Variants in EXOC4 observed in about 807,000 individuals in gnomAD.
EXOC4 encodes the protein SEC8-like 1.
A neutral mutation model predicts 107.2 loss-of-function variants in EXOC4; 71 were observed. That is an observed-to-expected ratio of 0.66 (90% CI 0.55 to 0.81). The LOEUF (loss-of-function observed/expected upper bound fraction) is 0.81, where lower values mean the gene tolerates loss of function less well. Ranked by LOEUF, EXOC4 falls within the 30% of genes least tolerant of loss-of-function variation. The probability of loss-of-function intolerance (pLI) is 0.00; values close to 1 mark genes in which losing one functional copy is unlikely to be tolerated. For missense variants in EXOC4, 1,108 were observed against 1,189.6 expected (o/e 0.93, Z 1.01); for synonymous variants, 456 against 441.2 (o/e 1.03, Z -0.42).
chr7:133,278,749 A>T (rs147775914), intron 2 of EXOC4, among the ~76,000 whole-genome samples: 2 of 152,200 alleles, frequency 1.3e-5, no homozygotes, highest in East Asian at 1.9e-4. Flanking sequence ...ATTGATTTTA[A>T]CTATCGGTAT....
At chr7:133,928,332 GC>G (rs1325092310) in intron 13 of EXOC4, among the ~76,000 whole-genome samples, 1 of 152,136 alleles carries the variant, frequency 6.6e-6, no homozygotes, top group Non-Finnish European at 1.5e-5. Flanking sequence ...TGAGACAAGG[GC>G]AAGCGGTGAG....
intron 7 of EXOC4, among the ~76,000 whole-genome samples, chr7:133,410,491 A>G (rs943335536): frequency 4.6e-5 from 7 of 152,054 alleles, no homozygotes; most frequent in African/African-American, 7.3e-5. Flanking sequence ...TTACAACACA[A>G]TCATTTAATT....
chr7:133,357,124 G>A (rs1415923998), intron 6 of EXOC4, among the ~76,000 whole-genome samples: 1 of 152,186 alleles, frequency 6.6e-6, no homozygotes, highest in African/African-American at 2.4e-5. Context: ...CATATTTATA[G>A]TAGAGATTGT....
intron 10 of EXOC4, among the ~76,000 whole-genome samples, chr7:133,696,903 A>G (rs1181508312): frequency 6.6e-6 from 1 of 152,220 alleles, no homozygotes; most frequent in Non-Finnish European, 1.5e-5. Context: ...TGATTTTACA[A>G]ATGGCTCAAT....
At chr7:133,885,111 C>G (rs905389676) in intron 11 of EXOC4, among the ~76,000 whole-genome samples, 2 of 151,874 alleles carry the variant, frequency 1.3e-5, no homozygotes, top group East Asian at 1.9e-4. Context: ...GTCAGGAGAT[C>G]GAGACCAGCC....
intron 9 of EXOC4, among the ~76,000 whole-genome samples, chr7:133,582,802 A>G (rs1000842603): frequency 3.9e-5 from 6 of 152,230 alleles, no homozygotes; most frequent in African/African-American, 1.4e-4. Flanking sequence ...AAGCAATCAG[A>G]AATTTTCCAA....
chr7:134,015,268 C>A (rs892601922), intron 17 of EXOC4, among the ~76,000 whole-genome samples: 1 of 152,070 alleles, frequency 6.6e-6, no homozygotes, highest in Non-Finnish European at 1.5e-5. Context: ...TGACATATTT[C>A]GTATTTACTT....
chr7:133,696,862 G>A (rs777189635), intron 10 of EXOC4, among the ~76,000 whole-genome samples: 6 of 152,120 alleles, frequency 3.9e-5, no homozygotes, highest in Non-Finnish European at 5.9e-5. Flanking sequence ...TCTTGTCCCT[G>A]GAACATTATT....
At chr7:133,866,671 G>T (rs997933355) in intron 11 of EXOC4, among the ~76,000 whole-genome samples, 2 of 152,056 alleles carry the variant, frequency 1.3e-5, no homozygotes, top group Non-Finnish European at 2.9e-5. Flanking sequence ...AACTCATTTT[G>T]ATTCATCGCT....
At chr7:133,398,985 A>G (rs1218032572) in intron 7 of EXOC4, among the ~76,000 whole-genome samples, 1 of 152,218 alleles carries the variant, frequency 6.6e-6, no homozygotes. Context: ...GAATTTGTAT[A>G]CCATTTACAT....
At chr7:133,372,787 T>C (rs1778448821) in intron 6 of EXOC4, among the ~76,000 whole-genome samples, 1 of 152,352 alleles carries the variant, frequency 6.6e-6, no homozygotes, top group South Asian at 2.1e-4. Flanking sequence ...ATGTCATGGA[T>C]CAATATGGTT....
chr7:133,282,807 C>T (rs896754249), intron 2 of EXOC4, among the ~76,000 whole-genome samples: 5 of 152,150 alleles, frequency 3.3e-5, no homozygotes, highest in Non-Finnish European at 7.4e-5. Context: ...TCTACCTTTT[C>T]ATCAATTTTC....
intron 5 of EXOC4, among the ~76,000 whole-genome samples, chr7:133,338,278 C>T (rs1294196584): frequency 6.6e-6 from 1 of 151,984 alleles, no homozygotes; most frequent in Non-Finnish European, 1.5e-5. Flanking sequence ...ATGTAGTTTT[C>T]ATTATCATTT....
intron 14 of EXOC4, among the ~76,000 whole-genome samples, chr7:133,956,730 C>T (rs1242496161): frequency 3.3e-5 from 5 of 152,202 alleles, no homozygotes. Context: ...CATAACAGAA[C>T]TTCAGCCATA....
At chr7:133,836,142 C>A (rs986227816) in intron 11 of EXOC4, among the ~76,000 whole-genome samples, 9 of 152,140 alleles carry the variant, frequency 5.9e-5, no homozygotes, top group Non-Finnish European at 1.3e-4. Context: ...CAAACTCATA[C>A]ACATGGGATA....
chr7:133,764,458 G>GAGA (rs1796096430), intron 10 of EXOC4, among the ~76,000 whole-genome samples: 2 of 152,020 alleles, frequency 1.3e-5, no homozygotes, highest in Admixed American at 1.3e-4. Context: ...CCCCTCCTAG[G>GAGA]AGAGTTCCAG....
At chr7:133,856,847 G>A (rs969976677) in intron 11 of EXOC4, among the ~76,000 whole-genome samples, 7 of 151,598 alleles carry the variant, frequency 4.6e-5, no homozygotes, top group Admixed American at 4.0e-4. Flanking sequence ...GGGTGTGTTA[G>A]CTCAGCACTT....
chr7:134,082,600 C>T, the EXOC4 span, among the ~76,000 whole-genome samples: 1 of 152,108 alleles, frequency 6.6e-6, no homozygotes, highest in Non-Finnish European at 1.5e-5. Context: ...GCCACCACAC[C>T]CACCTAATTT....
chr7:134,071,059 C>A (rs1011701572), downstream of EXOC4, among the ~76,000 whole-genome samples: 1 of 152,182 alleles, frequency 6.6e-6, no homozygotes, highest in Admixed American at 6.5e-5. Flanking sequence ...TTTATGATTG[C>A]TACTACGTTA....
Sources: allele counts gnomAD v4.1 joint callset (sites outside exome capture counted in the v4.1 genomes callset), GRCh38; gene constraint gnomAD v4.1.1; transcripts MANE v1.5; gene names NCBI Gene and HGNC (gene_info 2026-07-23, HGNC 2026-07-21).